Variants in BTNL8 observed in about 807,000 individuals in gnomAD.
BTNL8 encodes butyrophilin-like protein 8.
BTNL8 carries 22 observed loss-of-function variants against 36.1 expected under a neutral mutation model. That is an observed-to-expected ratio of 0.61 (90% confidence interval 0.44 to 0.87). BTNL8 has a LOEUF of 0.87. Among genes scored for constraint, BTNL8 ranks in the 40% least tolerant of loss-of-function variants. The pLI is 0.00. For missense variants in BTNL8, 526 were observed against 616.9 expected (o/e 0.85, Z 1.56); for synonymous variants, 203 against 235.6 (o/e 0.86, Z 1.27).
At chr5:180,923,485 T>G (rs555088470) in intron 3 of BTNL8, among the ~76,000 whole-genome samples, 131 of 152,182 alleles carry the variant, frequency 8.6e-4, no homozygotes, top group Middle Eastern at 3.4e-3. Flanking sequence ...AAGAAAACCT[T>G]TTATGAATTA....
chr5:180,941,595 C>T (rs1346895285), intron 3 of BTNL8, among the ~76,000 whole-genome samples: 1 of 152,092 alleles, frequency 6.6e-6, no homozygotes, highest in African/African-American at 2.4e-5. Flanking sequence ...AAAGAATATA[C>T]ACCATGATTA....
chr5:180,949,875 T>G, intron 7 of BTNL8, 29 bp from the exon 8 acceptor site: 1 of 1,432,772 alleles, frequency 7.0e-7, no homozygotes. Flanking sequence ...CAGTAACTCA[T>G]GCTTCCTCTC....
In BTNL8 at chr5:180,950,220, C is replaced by T. The variant is rs570090091; in HGVS notation, c.1179C>T (p.Pro393=). The T allele has an allele frequency of 3.4e-6, 5 of 1,463,164 alleles. No individual in the cohort carries two copies. In the South Asian group the frequency reaches 5.6e-5, roughly 16 times the overall value. 90.6% of individuals were successfully genotyped at this position (1,463,164 alleles called of 1,614,324 possible). The part of the protein sequence containing the change: ...NGEHLYFTLN[P]RFISVFPRTP... Reference sequence around the variant, plus strand: ...AACATTTGTATTTCACATTAAATCCCCGTTTTATCAGCGTCTTCCCCAGGA... The same window carrying T: ...AACATTTGTATTTCACATTAAATCCTCGTTTTATCAGCGTCTTCCCCAGGA... The change falls in exon 8 of 8, where the codon CCC becomes CCT. Residue 393 remains proline (P), a synonymous_variant. Coordinates refer to ENST00000340184, the MANE Select transcript of BTNL8 (RefSeq NM_001040462.3).
chr5:180,913,226 T>C (rs937962564), intron 3 of BTNL8, among the ~76,000 whole-genome samples: 1 of 152,150 alleles, frequency 6.6e-6, no homozygotes, highest in Non-Finnish European at 1.5e-5. Flanking sequence ...GTGAAAGCAG[T>C]CTCAGTCTCT....
intron 3 of BTNL8, among the ~76,000 whole-genome samples, chr5:180,920,660 G>A (rs766772946): frequency 7.9e-5 from 12 of 152,006 alleles, no homozygotes; most frequent in Non-Finnish European, 1.6e-4. Flanking sequence ...AAAGCAACAT[G>A]TGGAATGGGA....
intron 3 of BTNL8, among the ~76,000 whole-genome samples, chr5:180,944,150 C>G (rs1759116181): frequency 6.6e-6 from 1 of 152,090 alleles, no homozygotes; most frequent in Non-Finnish European, 1.5e-5. Flanking sequence ...GTAGGGGTTA[C>G]CAGAGACTGG....
intron 3 of BTNL8, among the ~76,000 whole-genome samples, chr5:180,943,825 T>C (rs888620551): frequency 3.0e-4 from 45 of 152,328 alleles, no homozygotes; most frequent in African/African-American, 1.1e-3. Flanking sequence ...AGCTAAGATA[T>C]GGAATCAACC....
chr5:180,912,942 GT>G (rs1757472881), intron 3 of BTNL8, among the ~76,000 whole-genome samples: 2 of 152,140 alleles, frequency 1.3e-5, no homozygotes, highest in Admixed American at 1.3e-4. Flanking sequence ...GTTTCTTGGT[GT>G]TGCATAAATA....
At chr5:180,941,298 C>G (rs1239638568) in intron 3 of BTNL8, among the ~76,000 whole-genome samples, 3 of 152,136 alleles carry the variant, frequency 2.0e-5, no homozygotes, top group African/African-American at 4.8e-5. Flanking sequence ...AAGAGTGAAT[C>G]AGCAGTAGGA....
intron 3 of BTNL8, 108 bp from the exon 4 acceptor site, chr5:180,947,404 T>C (rs1282795655): frequency 7.1e-7 from 1 of 1,407,296 alleles, no homozygotes; most frequent in African/African-American, 1.4e-5. Flanking sequence ...GGAGAATTTA[T>C]AGAAACCTAT....
chr5:180,939,888 A>G (rs1303610517), intron 3 of BTNL8, among the ~76,000 whole-genome samples: 1 of 152,242 alleles, frequency 6.6e-6, no homozygotes. Flanking sequence ...ACTATATCAA[A>G]TATATTTTCA....
At position 180,947,749 on chromosome 5, in the gene BTNL8, CA is replaced by C. The variant is rs747089959; in HGVS notation, c.787+130del. 3 of 1,610,890 alleles carry C rather than the reference CA, an allele frequency of 1.9e-6. No individual in the cohort carries two copies. The East Asian group carries it at 6.7e-5, about 36-fold the overall frequency. The stretch of plus-strand genomic sequence containing the variant: ...GTCCTAGCCTCCAGGGGCCCAGGCC[CA>C]AAAAAGTAATCATCCTTCTCTAGGG... On this transcript the variant is annotated intron_variant, in intron 4 of 7. Coordinates refer to ENST00000340184, the MANE Select transcript of BTNL8 (RefSeq NM_001040462.3).
intron 4 of BTNL8, 68 bp downstream of exon 4, chr5:180,947,693 GCT>G: frequency 6.2e-7 from 1 of 1,614,196 alleles, no homozygotes. Context: ...GATCAGAGAT[GCT>G]CCCACATCCA....
intron 4 of BTNL8, 41 bp downstream of exon 4, chr5:180,947,666 G>A: frequency 6.2e-7 from 1 of 1,614,194 alleles, no homozygotes; most frequent in Non-Finnish European, 8.5e-7. Context: ...CCTTATTCAT[G>A]GTTCCAGCAG....
At chr5:180,904,576 G>A (rs1215358255) in intron 1 of BTNL8, among the ~76,000 whole-genome samples, 1 of 134,612 alleles carries the variant, frequency 7.4e-6, no homozygotes, top group African/African-American at 3.0e-5. Flanking sequence ...AATAGGAGTG[G>A]TGAGAGAGGG....
chr5:180,937,246 A>C (rs960429553), intron 3 of BTNL8, among the ~76,000 whole-genome samples: 3 of 152,192 alleles, frequency 2.0e-5, no homozygotes, highest in Non-Finnish European at 4.4e-5. Context: ...CCCTGGGACC[A>C]AGTGACCAGT....
intron 3 of BTNL8, among the ~76,000 whole-genome samples, chr5:180,939,075 A>G (rs1184323009): frequency 6.6e-6 from 1 of 152,210 alleles, no homozygotes. Flanking sequence ...ATCAAATTTT[A>G]TCACTATAGT....
intron 3 of BTNL8, among the ~76,000 whole-genome samples, chr5:180,929,648 C>A (rs529282783): frequency 4.6e-5 from 7 of 152,272 alleles, no homozygotes; most frequent in African/African-American, 1.4e-4. Context: ...ACTGATCCCA[C>A]AGAAATACAA....
intron 3 of BTNL8, among the ~76,000 whole-genome samples, chr5:180,940,759 T>C (rs1025808577): frequency 6.6e-5 from 10 of 152,014 alleles, no homozygotes; most frequent in African/African-American, 2.2e-4. Flanking sequence ...CAAAGGATCA[T>C]TGGAGACTAT....
Sources: allele counts gnomAD v4.1 joint callset (sites outside exome capture counted in the v4.1 genomes callset), GRCh38; gene constraint gnomAD v4.1.1; transcripts MANE v1.5; gene names NCBI Gene and HGNC (gene_info 2026-07-23, HGNC 2026-07-21).